CACNA2D1: variants seen among roughly 807,000 people sequenced by gnomAD.
CACNA2D1 encodes the protein calcium voltage-gated channel auxiliary subunit alpha2delta 1, also known as voltage-dependent calcium channel subunit alpha-2/delta-1.
In CACNA2D1, 53 loss-of-function variants were observed where a neutral mutation model predicts 171.5. The observed-to-expected ratio is 0.31, with a 90% CI of 0.25 to 0.39. The LOEUF (loss-of-function observed/expected upper bound fraction) is 0.39, where lower values mean the gene tolerates loss of function less well. CACNA2D1 is among the 10% of genes least tolerant of loss of function. The pLI is 1.00. For missense variants in CACNA2D1, 903 were observed against 1,299.8 expected, an observed-to-expected ratio of 0.69 and a Z score of 4.69; for synonymous variants, 442 against 443.1, an observed-to-expected ratio of 1.00 and a Z score of 0.03.
intron 1 of CACNA2D1, among the ~76,000 whole-genome samples, chr7:82,359,584 A>G (rs1201795346): frequency 6.6e-6 from 1 of 152,090 alleles, no homozygotes; most frequent in African/African-American, 2.4e-5. Context: ...CACCTCTCGA[A>G]TCCTCTTCAG....
chr7:82,121,231 C>T (rs962321320), intron 5 of CACNA2D1, among the ~76,000 whole-genome samples: 1 of 152,018 alleles, frequency 6.6e-6, no homozygotes, highest in Admixed American at 6.6e-5. Context: ...TTTTTAATTT[C>T]TATTGTTCAG....
intron 12 of CACNA2D1, among the ~76,000 whole-genome samples, chr7:82,021,425 A>C (rs1448575364): frequency 6.6e-6 from 1 of 152,098 alleles, no homozygotes; most frequent in Non-Finnish European, 1.5e-5. Flanking sequence ...TTTATTCCAC[A>C]TTCCAAATTT....
intron 3 of CACNA2D1, among the ~76,000 whole-genome samples, chr7:82,214,450 T>A (rs1252625022): frequency 6.6e-6 from 1 of 151,958 alleles, no homozygotes; most frequent in Non-Finnish European, 1.5e-5. Context: ...GTGGCTTTTT[T>A]TTTTTTTCTT....
At chr7:82,050,519 T>C (rs914215024) in intron 10 of CACNA2D1, 19 of 700,188 alleles carry the variant, frequency 2.7e-5, no homozygotes, top group Non-Finnish European at 4.4e-5. Context: ...CCTGATCTTA[T>C]ACAGGGGCTT....
At chr7:82,278,430 T>G (rs1455878885) in intron 3 of CACNA2D1, among the ~76,000 whole-genome samples, 1 of 151,746 alleles carries the variant, frequency 6.6e-6, no homozygotes, top group African/African-American at 2.4e-5. Context: ...AATACAAAAA[T>G]TAGCTGGATC....
chr7:82,117,912 G>A (rs1456825078), intron 5 of CACNA2D1, among the ~76,000 whole-genome samples: 2 of 152,070 alleles, frequency 1.3e-5, no homozygotes, highest in Non-Finnish European at 2.9e-5. Context: ...TTTATATTGT[G>A]CAGTTGAAGA....
At chr7:81,951,969 G>GTTTTTTTTTT (rs774805421) in intron 38 of CACNA2D1, among the ~76,000 whole-genome samples, 27 of 71,896 alleles carry the variant, frequency 3.8e-4, no homozygotes, top group African/African-American at 1.5e-3. Context: ...TGTACAAAGT[G>GTTTTTTTTTT]TTTTTTTTTT....
chr7:82,225,365 T>A (rs1802247938), intron 3 of CACNA2D1, among the ~76,000 whole-genome samples: 1 of 152,212 alleles, frequency 6.6e-6, no homozygotes, highest in African/African-American at 2.4e-5. Flanking sequence ...TAGATTATCC[T>A]TCCAACTCAA....
intron 3 of CACNA2D1, among the ~76,000 whole-genome samples, chr7:82,322,575 C>T (rs1019175427): frequency 2.7e-4 from 41 of 151,934 alleles, no homozygotes; most frequent in Admixed American, 1.8e-3. Flanking sequence ...GCCATAATAG[C>T]GCTACTGCAC....
intron 1 of CACNA2D1, among the ~76,000 whole-genome samples, chr7:82,391,270 A>G (rs1026702569): frequency 6.6e-6 from 1 of 152,252 alleles, no homozygotes; most frequent in African/African-American, 2.4e-5. Flanking sequence ...ACACAAGTAT[A>G]TAATTAGATG....
rs574640443 is a variant in CACNA2D1 at position 82,140,847 on chromosome 7, C to A, written c.355-4171G>T. On this transcript the variant is annotated intron_variant, in intron 4 of 38. Coordinates refer to ENST00000356860, the MANE Select transcript of CACNA2D1 (RefSeq NM_000722.4). Reference sequence around the variant, plus strand: ...GCGGGCACCTGTGGTCCCAGCTGTTCGGGAGGCTGAGACAGGAGAATGGCG... The same window carrying A: ...GCGGGCACCTGTGGTCCCAGCTGTTAGGGAGGCTGAGACAGGAGAATGGCG... Among the ~76,000 whole-genome samples, 4 of 149,206 alleles carry A rather than the reference C, an allele frequency of 2.7e-5. No homozygotes were observed. The Admixed American group carries it at 2.7e-4, about 10-fold the overall frequency.
Position 82,005,540 on chromosome 7 carries a change from A to C in CACNA2D1, c.1516-43T>G, listed in dbSNP as rs762839619. The C allele has an allele frequency of 4.0e-6, 5 of 1,245,344 alleles. No homozygotes were observed. In the Admixed American group the frequency reaches 1.0e-4, roughly 25 times the overall value. 77.1% of individuals were successfully genotyped at this position (1,245,344 alleles called of 1,614,324 possible). A position where few individuals can be genotyped will look rare whatever the true frequency, so the allele number is the denominator to read the frequency against. On this transcript the variant is annotated intron_variant, in intron 17 of 38. Coordinates refer to ENST00000356860, the MANE Select transcript of CACNA2D1 (RefSeq NM_000722.4). ...AAAAAAGCTTGGATATGCCTGAGTC[A>C]CAATTAGAAATCTATATTCTTTTAA...
At chr7:82,113,289 C>T (rs1788662718) in intron 6 of CACNA2D1, among the ~76,000 whole-genome samples, 1 of 151,980 alleles carries the variant, frequency 6.6e-6, no homozygotes, top group Non-Finnish European at 1.5e-5. Context: ...TAAAGTGATT[C>T]AAAAATTAAT....
Position 82,397,772 on chromosome 7 carries a change from G to A in CACNA2D1, c.95+45593C>T, listed in dbSNP as rs111938914. ...ATCGTTACCATGCTCTGTGATAGGC[G>A]CTGTTATAATCATGAGACACAGAGA... On this transcript the variant is annotated intron_variant, in intron 1 of 38. Transcript: ENST00000356860. 2.4e-4 allele frequency among the ~76,000 whole-genome samples: 37 copies of A among 152,254 alleles called. 1 individual carries two copies. Among genetic ancestry groups the A allele is most frequent in the African/African-American group, 8.7e-4 (36 of 41,548 alleles).
chr7:82,329,374 T>C (rs969397786), intron 3 of CACNA2D1, among the ~76,000 whole-genome samples: 2 of 152,142 alleles, frequency 1.3e-5, no homozygotes, highest in African/African-American at 2.4e-5. Flanking sequence ...TATGCCATAA[T>C]TGGAAAATGT....
intron 4 of CACNA2D1, among the ~76,000 whole-genome samples, chr7:82,167,443 CA>C (rs879698051): frequency 2.7e-5 from 4 of 149,146 alleles, no homozygotes; most frequent in South Asian, 2.2e-4. Context: ...TTATTAGGAA[CA>C]AAAAAAAAGC....
intron 1 of CACNA2D1, among the ~76,000 whole-genome samples, chr7:82,384,295 G>C (rs949392737): frequency 2.0e-5 from 3 of 152,206 alleles, no homozygotes; most frequent in African/African-American, 7.2e-5. Context: ...ATTAGGGTTA[G>C]ATGAGATCAT....
chr7:82,231,367 A>T lies in CACNA2D1; in HGVS notation c.295-60758T>A, dbSNP rs1466793661. Among the ~76,000 whole-genome samples the T allele has an allele frequency of 3.9e-5, 6 of 152,206 alleles. No homozygotes were observed. In the South Asian group the frequency reaches 8.3e-4, roughly 21 times the overall value. ...GGCATAAGAAGAAGCAATAGGAAAC[A>T]CAGTTGGGCCACTGAATCTGGCAGC... On this transcript the variant is annotated intron_variant, in intron 3 of 38. Transcript: ENST00000356860.
At chr7:82,199,954 G>A (rs1799244984) in intron 3 of CACNA2D1, among the ~76,000 whole-genome samples, 1 of 152,008 alleles carries the variant, frequency 6.6e-6, no homozygotes, top group Non-Finnish European at 1.5e-5. Flanking sequence ...ATGATGCATT[G>A]TGAAAGAAGA....
Sources: gnomAD v4.1 joint callset for allele counts (sites outside exome capture counted in the v4.1 genomes callset) on GRCh38, gnomAD v4.1.1 for gene constraint, MANE v1.5 for transcripts, NCBI Gene and HGNC (gene_info 2026-07-23, HGNC 2026-07-21) for gene names.